TCERG1L: variants seen among roughly 807,000 people sequenced by gnomAD.
TCERG1L encodes the protein transcription elongation regulator 1 like, also known as transcription elongation regulator 1-like protein.
TCERG1L carries 37 observed loss-of-function variants against 56.3 expected under a neutral mutation model. The ratio of observed to expected loss-of-function variants is 0.66; its 90% CI spans 0.51 to 0.87. The LOEUF is 0.87. TCERG1L is among the 40% of genes least tolerant of loss of function. The pLI is 0.00. For missense variants in TCERG1L, 799 were observed against 774.2 expected (o/e 1.03, Z -0.38); for synonymous variants, 324 against 326.3 (o/e 0.99, Z 0.08).
At chr10:131,208,645 C>G (rs540350069) in intron 4 of TCERG1L, among the ~76,000 whole-genome samples, 1 of 152,182 alleles carries the variant, frequency 6.6e-6, no homozygotes, top group Non-Finnish European at 1.5e-5. Context: ...GTAGGTTGAG[C>G]GCTTCTAACC....
chr10:131,131,656 G>A (rs1456637150), intron 8 of TCERG1L, among the ~76,000 whole-genome samples: 5 of 152,248 alleles, frequency 3.3e-5, no homozygotes, highest in African/African-American at 1.2e-4. Flanking sequence ...AATTCCATCT[G>A]TGCATGAGTG....
chr10:131,227,347 T>G (rs1369550490), intron 4 of TCERG1L, among the ~76,000 whole-genome samples: 1 of 151,908 alleles, frequency 6.6e-6, no homozygotes, highest in Non-Finnish European at 1.5e-5. Flanking sequence ...AAGAGTAGAG[T>G]CCCCTTGGGT....
chr10:131,267,899 C>T lies in TCERG1L; in HGVS notation c.671-7455G>A, dbSNP rs762807107. Among the ~76,000 whole-genome samples, 12 of 152,176 alleles carry T rather than the reference C, an allele frequency of 7.9e-5. No individual in the cohort carries two copies. Among genetic ancestry groups the T allele is most frequent in the South Asian group, 2.1e-4 (1 of 4,828 alleles). On this transcript the variant is annotated intron_variant, in intron 3 of 11. Coordinates refer to ENST00000368642, the MANE Select transcript of TCERG1L (RefSeq NM_174937.4). This position sits in a 1 kb window ranked among gnomAD's most constrained non-coding sequence, Gnocchi z 4.9. Reference sequence around the variant, plus strand: ...AAGGGTGATGTTGCCACAAGTTCCCCGGGGGCCCTAGTGCTCAGGGGTGGT... The same window carrying T: ...AAGGGTGATGTTGCCACAAGTTCCCTGGGGGCCCTAGTGCTCAGGGGTGGT...
chr10:131,242,511 C>T (rs947552130), intron 4 of TCERG1L, among the ~76,000 whole-genome samples: 48 of 152,254 alleles, frequency 3.2e-4, no homozygotes, highest in Admixed American at 2.6e-3. Flanking sequence ...TACTAAATCA[C>T]GGCACCAGCG....
chr10:131,136,204 T>G (rs1845673821), intron 7 of TCERG1L, among the ~76,000 whole-genome samples: 1 of 152,184 alleles, frequency 6.6e-6, no homozygotes, highest in African/African-American at 2.4e-5. Context: ...GGGTATCCAC[T>G]TCCTCCTCTC....
At chr10:131,210,869 C>G (rs1729401912) in intron 4 of TCERG1L, among the ~76,000 whole-genome samples, 1 of 152,204 alleles carries the variant, frequency 6.6e-6, no homozygotes, top group African/African-American at 2.4e-5. Context: ...CATGTAAAAT[C>G]AGGGAGGCAT....
At chr10:131,243,728 C>A (rs1379276357) in intron 4 of TCERG1L, among the ~76,000 whole-genome samples, 1 of 152,238 alleles carries the variant, frequency 6.6e-6, no homozygotes. Flanking sequence ...TAAGTGACAA[C>A]CATCTTCAGC....
At chr10:131,216,199 T>C (rs1845667331) in intron 4 of TCERG1L, among the ~76,000 whole-genome samples, 1 of 152,000 alleles carries the variant, frequency 6.6e-6, no homozygotes, top group Non-Finnish European at 1.5e-5. Context: ...GATGGAGAAA[T>C]AGAAAAATCG....
In TCERG1L at chr10:131,311,216, C is replaced by T. The variant is rs1846890617; in HGVS notation, c.342+78G>A. 2 of 1,129,054 alleles carry T rather than the reference C, an allele frequency of 1.8e-6. No individual in the cohort carries two copies. Among genetic ancestry groups the T allele is most frequent in the Middle Eastern group, 7.1e-4 (2 of 2,828 alleles). The allele number at this position is 1,129,054 out of a possible 1,614,324, so 69.9% of individuals were successfully genotyped here. ...GGAGGAGGGCGCGCGAGCCGGAGGC[C>T]AGAGCCGGGCCGGGCAGGGCGCGCC... is the stretch of plus-strand genomic sequence containing the variant. On this transcript the variant is annotated intron_variant, in intron 1 of 11. Transcript: ENST00000368642. The surrounding 1 kb of genome is among the most constrained non-coding windows in gnomAD (Gnocchi z 4.0).
chr10:131,164,825 C>T (rs369565572), intron 5 of TCERG1L, among the ~76,000 whole-genome samples: 3 of 152,132 alleles, frequency 2.0e-5, no homozygotes, highest in South Asian at 2.1e-4. Flanking sequence ...ATTAACCATT[C>T]GACCACCAAA....
At chr10:131,221,843 C>T (rs1845736097) in intron 4 of TCERG1L, among the ~76,000 whole-genome samples, 1 of 152,222 alleles carries the variant, frequency 6.6e-6, no homozygotes, top group African/African-American at 2.4e-5. Flanking sequence ...CCGCCGCTGC[C>T]TCCACGTTGG....
chr10:131,118,203 G>A lies in TCERG1L; in HGVS notation c.1260-1269C>T, dbSNP rs1112225. On this transcript the variant is annotated intron_variant, in intron 8 of 11. Transcript: ENST00000368642. The surrounding 1 kb of genome is among the most constrained non-coding windows in gnomAD (Gnocchi z 4.2). ...AGCCAGCAATCATGAAGAGCAGTCC[G>A]CTCACAAGCAGTGGCTTAGGGCCTC... Among the ~76,000 whole-genome samples, 10 of 152,074 alleles carry A rather than the reference G, an allele frequency of 6.6e-5. No homozygotes were observed. Among genetic ancestry groups the A allele is most frequent in the African/African-American group, 9.7e-5 (4 of 41,412 alleles).
intron 4 of TCERG1L, among the ~76,000 whole-genome samples, chr10:131,217,705 GCC>G (rs1365797948): frequency 7.7e-6 from 1 of 130,594 alleles, no homozygotes; most frequent in Non-Finnish European, 1.6e-5. Context: ...CACAGTAGCT[GCC>G]CTTTTTTTTT....
At chr10:131,139,110 T>C (rs1487975921) in intron 7 of TCERG1L, among the ~76,000 whole-genome samples, 2 of 152,248 alleles carry the variant, frequency 1.3e-5, no homozygotes, top group African/African-American at 4.8e-5. Flanking sequence ...TCTCATGCTC[T>C]ACAGTGCTAA....
At chr10:131,245,640 T>C (rs1247022730) in intron 4 of TCERG1L, among the ~76,000 whole-genome samples, 1 of 152,296 alleles carries the variant, frequency 6.6e-6, no homozygotes, top group African/African-American at 2.4e-5. Flanking sequence ...TGTGGCTCTC[T>C]GGTAACCTTC....
At chr10:131,296,587 G>A (rs552774271) in intron 3 of TCERG1L, among the ~76,000 whole-genome samples, 6 of 152,284 alleles carry the variant, frequency 3.9e-5, no homozygotes, top group African/African-American at 1.4e-4. Flanking sequence ...TTCTTCGTCA[G>A]AACTACTGTG....
chr10:131,286,109 C>CATT (rs1846537926), intron 3 of TCERG1L, among the ~76,000 whole-genome samples: 1 of 152,162 alleles, frequency 6.6e-6, no homozygotes, highest in Non-Finnish European at 1.5e-5. Context: ...CACTCCTGAA[C>CATT]ATTAACACGT....
chr10:131,278,338 C>CTTTTTTTT (rs755934156), intron 3 of TCERG1L, among the ~76,000 whole-genome samples: 1 of 137,076 alleles, frequency 7.3e-6, no homozygotes. Context: ...TTTCTTTTTT[C>CTTTTTTTT]TTTTTTTTTT....
intron 3 of TCERG1L, among the ~76,000 whole-genome samples, chr10:131,285,060 C>T (rs12241988): frequency 6.6e-6 from 1 of 152,108 alleles, no homozygotes; most frequent in Non-Finnish European, 1.5e-5. Flanking sequence ...AGCTTTCACA[C>T]TAAAGCCAGG....
Sources: allele counts gnomAD v4.1 joint callset (sites outside exome capture counted in the v4.1 genomes callset), GRCh38; gene constraint gnomAD v4.1.1; non-coding constraint Gnocchi (gnomAD v3.1); transcripts MANE v1.5; gene names NCBI Gene and HGNC (gene_info 2026-07-23, HGNC 2026-07-21).